Variants in LARP4B observed in about 807,000 individuals in gnomAD.
LARP4B encodes La ribonucleoprotein 4B.
LARP4B carries 12 observed loss-of-function variants against 89.8 expected under a neutral mutation model. That is an observed-to-expected ratio of 0.13 (90% CI 0.09 to 0.22). The LOEUF is 0.22. Ranked by LOEUF, LARP4B falls within the 10% of genes least tolerant of loss-of-function variation. LARP4B has a pLI of 1.00. For missense variants in LARP4B, 757 were observed against 947.7 expected (o/e 0.80, Z 2.64); for synonymous variants, 367 against 363.3 (o/e 1.01, Z -0.12).
In LARP4B at chr10:845,061, T is replaced by C. The variant is rs746630199; in HGVS notation, c.431-6A>G. The stretch of plus-strand genomic sequence containing the variant: ...TGGTTGAGACTCATTTCCTCCTACA[T>C]AAAAGTAATAATCAACTTAGGAAAA... On this transcript the variant is annotated splice_polypyrimidine_tract_variant and splice_region_variant and intron_variant, in intron 5 of 17. Transcript: ENST00000316157. The C allele has an allele frequency of 3.3e-5, 53 of 1,600,848 alleles. No homozygotes were observed. The highest frequency in any genetic ancestry group is 5.2e-5 in the Admixed American group (3 of 57,662).
At chr10:919,467 G>A (rs752625012) in intron 1 of LARP4B, among the ~76,000 whole-genome samples, 21 of 152,026 alleles carry the variant, frequency 1.4e-4, no homozygotes, top group Non-Finnish European at 2.4e-4. Context: ...TTCCCAAACA[G>A]TAAAACAAGT....
chr10:872,886 G>A (rs1043068209), intron 3 of LARP4B: 1 of 208,762 alleles, frequency 4.8e-6, no homozygotes, highest in East Asian at 1.8e-4. Flanking sequence ...GAGGAAAGAG[G>A]GTTCAATGAC....
chr10:967,421 G>A, the LARP4B span, among the ~76,000 whole-genome samples: 4 of 152,100 alleles, frequency 2.6e-5, no homozygotes, highest in Non-Finnish European at 5.9e-5. Flanking sequence ...GCAAAAGAAA[G>A]GTTGGAAGAT....
chr10:920,146 G>A (rs1200174795), intron 1 of LARP4B, among the ~76,000 whole-genome samples: 1 of 152,178 alleles, frequency 6.6e-6, no homozygotes. Flanking sequence ...AGCGGAGGGT[G>A]CGCCTTAACA....
Position 835,881 on chromosome 10 carries a change from C to T in LARP4B, c.750+522G>A, listed in dbSNP as rs896530916. On this transcript the variant is annotated intron_variant, in intron 8 of 17. Coordinates refer to ENST00000316157, the MANE Select transcript of LARP4B (RefSeq NM_015155.3). ...CTGGGAGATGGAGTTTGCAGTGAGC[C>T]GAGGTTGCGCCACTGCACTCCAGCC... Among the ~76,000 whole-genome samples, 5 of 150,822 alleles carry T rather than the reference C, an allele frequency of 3.3e-5. No homozygotes were observed. The South Asian group carries it at 8.4e-4, about 25-fold the overall frequency.
chr10:901,621 T>C (rs79034880), intron 1 of LARP4B, among the ~76,000 whole-genome samples: 2 of 152,224 alleles, frequency 1.3e-5, no homozygotes, highest in African/African-American at 2.4e-5. Flanking sequence ...TTTCGTTTCA[T>C]GTTCTTATAG....
At chr10:848,023 C>A (rs1417822213) in intron 5 of LARP4B, among the ~76,000 whole-genome samples, 1 of 152,164 alleles carries the variant, frequency 6.6e-6, no homozygotes, top group African/African-American at 2.4e-5. Context: ...AACCACAGGG[C>A]CCAGGACCCA....
At chr10:938,375 C>T in the LARP4B span, among the ~76,000 whole-genome samples, 3 of 151,452 alleles carry the variant, frequency 2.0e-5, no homozygotes, top group Non-Finnish European at 2.9e-5. Context: ...CTCAGCCTCC[C>T]GAGTAGCTGG....
At position 817,645 on chromosome 10, in the gene LARP4B, A is replaced by C. The variant is rs182865104; in HGVS notation, c.1695+80T>G. 8.9e-4 allele frequency: 1,200 copies of C among 1,351,570 alleles called. 11 individuals carry two copies. The highest frequency in any genetic ancestry group is 1.5e-3 in the Middle Eastern group (8 of 5,370). 83.7% of individuals were successfully genotyped at this position (1,351,570 alleles called of 1,614,324 possible). Reference sequence around the variant, plus strand: ...TGAGTATTAAAAACAAACATGTATAAAGAGCTCAGCAAAGCGCCTGACACG... The same window carrying C: ...TGAGTATTAAAAACAAACATGTATACAGAGCTCAGCAAAGCGCCTGACACG... On this transcript the variant is annotated intron_variant, in intron 15 of 17. Transcript: ENST00000316157.
At chr10:886,016 A>C (rs1230571727) in intron 1 of LARP4B, among the ~76,000 whole-genome samples, 1 of 152,210 alleles carries the variant, frequency 6.6e-6, no homozygotes, top group Non-Finnish European at 1.5e-5. Flanking sequence ...GTGCTGACAC[A>C]AATAAACCCA....
chr10:863,682 A>T lies in LARP4B; in HGVS notation c.430+61T>A, dbSNP rs1834744357. The T allele has an allele frequency of 2.7e-6, 4 of 1,464,208 alleles. No homozygotes were observed. In the Admixed American group the frequency reaches 9.2e-5, roughly 34 times the overall value. 90.7% of individuals were successfully genotyped at this position (1,464,208 alleles called of 1,614,324 possible). A position where few individuals can be genotyped will look rare whatever the true frequency, so the allele number is the denominator to read the frequency against. ...TGTAGAGAATGTTAATACTCTAAAT[A>T]AAAAAAATAAATAAAGCAGCCCATA... On this transcript the variant is annotated intron_variant, in intron 5 of 17. Coordinates refer to ENST00000316157, the MANE Select transcript of LARP4B (RefSeq NM_015155.3).
the LARP4B span, among the ~76,000 whole-genome samples, chr10:981,888 G>T: frequency 6.6e-6 from 1 of 152,032 alleles, no homozygotes; most frequent in East Asian, 1.9e-4. Flanking sequence ...CAATGAGACT[G>T]TTCTTTATCC....
intron 5 of LARP4B, among the ~76,000 whole-genome samples, chr10:852,130 A>G (rs1375761790): frequency 6.6e-6 from 1 of 152,192 alleles, no homozygotes; most frequent in Non-Finnish European, 1.5e-5. Context: ...TCCTGCCCAC[A>G]TGACTTGTTT....
chr10:825,419 T>TTA, intron 12 of LARP4B, 103 bp from the exon 13 acceptor site: 1 of 1,126,996 alleles, frequency 8.9e-7, no homozygotes, highest in Non-Finnish European at 1.3e-6. Flanking sequence ...TGCTCTCTGT[T>TTA]TAATAAAGTA....
At chr10:910,328 C>CAAA (rs1342250965) in intron 1 of LARP4B, among the ~76,000 whole-genome samples, 2 of 152,174 alleles carry the variant, frequency 1.3e-5, no homozygotes, top group Non-Finnish European at 2.9e-5. Context: ...AATCAACTCT[C>CAAA]TACTTATATT....
intron 13 of LARP4B, 40 bp downstream of exon 13, chr10:825,025 T>C: frequency 3.3e-6 from 5 of 1,532,062 alleles, no homozygotes; most frequent in African/African-American, 1.4e-5. Context: ...TTTTAAAATA[T>C]TAGTTTATGA....
At chr10:935,722 CTTTTTTTTTTTTTTTT>C (rs10711022), upstream of LARP4B, among the ~76,000 whole-genome samples, 2 of 83,920 alleles carry the variant, frequency 2.4e-5, no homozygotes, top group Non-Finnish European at 4.7e-5. Context: ...CTTTTCTTTT[CTTTTTTTTTTTTTTTT>C]TTTTGAGTCT....
At chr10:838,850 G>C (rs370426229) in intron 7 of LARP4B, among the ~76,000 whole-genome samples, 63 of 152,256 alleles carry the variant, frequency 4.1e-4, no homozygotes, top group African/African-American at 1.2e-3. Flanking sequence ...GCCAAAACTT[G>C]GAAGTAATCA....
At chr10:917,450 A>G (rs1349166658) in intron 1 of LARP4B, among the ~76,000 whole-genome samples, 4 of 152,258 alleles carry the variant, frequency 2.6e-5, no homozygotes, top group Non-Finnish European at 5.9e-5. Context: ...GACACTGGTT[A>G]TTCTACCGAC....
Sources: gnomAD v4.1 joint callset for allele counts (sites outside exome capture counted in the v4.1 genomes callset) on GRCh38, gnomAD v4.1.1 for gene constraint, MANE v1.5 for transcripts, NCBI Gene and HGNC (gene_info 2026-07-23, HGNC 2026-07-21) for gene names.